The following GGA2 variants were observed in gnomAD, a reference collection of about 807,000 sequenced individuals.
GGA2 encodes golgi associated, gamma adaptin ear containing, ARF binding protein 2.
In GGA2, 48 loss-of-function variants were observed where a neutral mutation model predicts 79.5. That is an observed-to-expected ratio of 0.60 (90% confidence interval 0.48 to 0.77). The LOEUF (loss-of-function observed/expected upper bound fraction) is 0.77, where lower values mean the gene tolerates loss of function less well. GGA2 is among the 30% of genes least tolerant of loss of function. The pLI is 0.00. For synonymous variants in GGA2, 317 were observed against 302.0 expected, an observed-to-expected ratio of 1.05 and a Z score of -0.51; for missense variants, 770 against 774.0, an observed-to-expected ratio of 0.99 and a Z score of 0.06.
intron 14 of GGA2, 36 bp downstream of exon 14, chr16:23,474,868 A>G (rs1261087468): frequency 4.1e-6 from 6 of 1,451,012 alleles, no homozygotes; most frequent in South Asian, 3.5e-5. Flanking sequence ...TTCCCAGGGA[A>G]AAAAAAAAAA....
chr16:23,492,306 C>T (rs1474272579), intron 4 of GGA2, among the ~76,000 whole-genome samples: 1 of 152,190 alleles, frequency 6.6e-6, no homozygotes, highest in African/African-American at 2.4e-5. Flanking sequence ...CTTTCAGCCC[C>T]ATCCCCTGAC....
chr16:23,516,971 G>A (rs1032228898), intron 2 of GGA2, among the ~76,000 whole-genome samples: 21 of 152,130 alleles, frequency 1.4e-4, no homozygotes, highest in Non-Finnish European at 2.9e-5. Context: ...GGTGGAGAGA[G>A]AGAAGGACCC....
intron 1 of GGA2, among the ~76,000 whole-genome samples, chr16:23,503,662 G>A (rs1964943468): frequency 6.6e-6 from 1 of 152,186 alleles, no homozygotes; most frequent in African/African-American, 2.4e-5. Flanking sequence ...AAAATGTTGT[G>A]TAAAATACTT....
At chr16:23,474,479 T>G (rs868184846) in intron 14 of GGA2, among the ~76,000 whole-genome samples, 5 of 152,090 alleles carry the variant, frequency 3.3e-5, no homozygotes, top group Non-Finnish European at 7.4e-5. Context: ...TGCCTCAGCC[T>G]CCCAAGTAGC....
At chr16:23,479,683 G>C in intron 11 of GGA2, 82 bp downstream of exon 11, 1 of 1,481,682 alleles carries the variant, frequency 6.7e-7, no homozygotes, top group Non-Finnish European at 9.3e-7. Flanking sequence ...TCAGCAGCAG[G>C]CATGTGCTCC....
chr16:23,494,011 G>C, intron 3 of GGA2: 1 of 447,466 alleles, frequency 2.2e-6, no homozygotes, highest in Admixed American at 3.4e-5. Flanking sequence ...GCCCTCTCTA[G>C]AAAAGGCACA....
chr16:23,493,769 T>G, intron 3 of GGA2: 1 of 334,772 alleles, frequency 3.0e-6, no homozygotes, highest in Non-Finnish European at 5.6e-6. Context: ...AACCAACCCC[T>G]CCCCAGAGGC....
chr16:23,514,688 G>A (rs542527665), upstream of GGA2, among the ~76,000 whole-genome samples: 2 of 152,240 alleles, frequency 1.3e-5, no homozygotes, highest in East Asian at 1.9e-4. Context: ...CTGGGCTCAA[G>A]CAATCCTCCC....
chr16:23,468,777 CAG>C, intron 16 of GGA2, 107 bp downstream of exon 16: 2 of 668,642 alleles, frequency 3.0e-6, no homozygotes, highest in East Asian at 5.3e-5. Context: ...CCCAGCAAAC[CAG>C]AGACTTTAGA....
intron 9 of GGA2, among the ~76,000 whole-genome samples, chr16:23,481,478 T>C (rs112946923): frequency 6.6e-6 from 1 of 152,042 alleles, no homozygotes. Flanking sequence ...CCTATTTTCA[T>C]GCAAGGAAAA....
chr16:23,465,629 C>T lies in GGA2; in HGVS notation c.*1961G>A. 1.8e-6 allele frequency: 1 copy of T among 565,074 alleles called. No homozygotes were observed. Among genetic ancestry groups the T allele is most frequent in the South Asian group, 2.2e-5 (1 of 46,486 alleles). 35.0% of individuals were successfully genotyped at this position (565,074 alleles called of 1,614,324 possible). ...TGGGTACCTCTTCAAGACTACGCAA[C>T]AGTAACAGAGCCTATAAAAGCTACA... On this transcript the variant is annotated 3_prime_UTR_variant, in exon 17 of 17. Coordinates refer to ENST00000309859, the MANE Select transcript of GGA2 (RefSeq NM_015044.4).
intron 1 of GGA2, among the ~76,000 whole-genome samples, chr16:23,508,257 G>C (rs1313807507): frequency 6.6e-6 from 1 of 151,832 alleles, no homozygotes; most frequent in Non-Finnish European, 1.5e-5. Flanking sequence ...GTAGAGACGG[G>C]GTTTCACCAT....
At chr16:23,504,245 C>T (rs78479883) in intron 1 of GGA2, among the ~76,000 whole-genome samples, 2,026 of 152,280 alleles carry the variant, frequency 0.013, 51 homozygotes, top group African/African-American at 0.046. Flanking sequence ...TAGGCTGGCC[C>T]AGCTCCACAG....
intron 2 of GGA2, among the ~76,000 whole-genome samples, chr16:23,517,816 G>A (rs915871268): frequency 1.3e-5 from 2 of 152,010 alleles, no homozygotes. Context: ...AGCCAGGATG[G>A]TCTCGATTTC....
Position 23,483,012 on chromosome 16 carries a change from A to C in GGA2, c.799-8T>G, listed in dbSNP as rs746672620. 2 of 1,602,356 alleles carry C rather than the reference A, an allele frequency of 1.2e-6. No individual in the cohort carries two copies. The highest frequency in any genetic ancestry group is 1.7e-6 in the Non-Finnish European group (2 of 1,169,576). ...ACACCTCTCATACACGACCTGAAAGAGCAGAGCTTGGTTCATGACACACGC... is the reference window on the plus strand; with the variant it reads ...ACACCTCTCATACACGACCTGAAAGCGCAGAGCTTGGTTCATGACACACGC... On this transcript the variant is annotated splice_polypyrimidine_tract_variant and splice_region_variant and intron_variant, in intron 8 of 16. Transcript: ENST00000309859.
At chr16:23,473,377 C>T (rs1964539094) in intron 14 of GGA2, among the ~76,000 whole-genome samples, 2 of 98,944 alleles carry the variant, frequency 2.0e-5, no homozygotes, top group South Asian at 3.5e-4. Flanking sequence ...TTCTCTGTTG[C>T]TCAGACTGAA....
chr16:23,475,188 CCTTTT>C (rs1321474697), intron 13 of GGA2, 127 bp from the exon 14 acceptor site: 1 of 491,356 alleles, frequency 2.0e-6, no homozygotes, highest in African/African-American at 2.1e-5. Flanking sequence ...ATGTTATATG[CCTTTT>C]TTTTTTTTTT....
chr16:23,517,837 G>C (rs1230228847), intron 2 of GGA2, among the ~76,000 whole-genome samples: 1 of 152,048 alleles, frequency 6.6e-6, no homozygotes, highest in African/African-American at 2.4e-5. Flanking sequence ...CTAACCTCGT[G>C]ATCTGCCTGC....
chr16:23,468,970 T>C lies in GGA2; in HGVS notation c.1647A>G (p.Ala549=). 1 of 1,610,436 alleles carries C rather than the reference T, an allele frequency of 6.2e-7. No individual in the cohort carries two copies. Among genetic ancestry groups the C allele is most frequent in the Non-Finnish European group, 8.5e-7 (1 of 1,176,656 alleles). The stretch of plus-strand genomic sequence containing the variant: ...TGAATGCAGGAAGCTTGGAGCTGGA[T>C]GCCGGCTGCAGCTTCACTCTCATTG... ...PKSMRVKLQP[A]SSSKLPAFSP... is the part of the protein sequence containing the mutation. Residue 549 remains alanine, a synonymous_variant, in exon 16 of 17, where the codon GCA becomes GCG. Transcript: ENST00000309859.
Sources: allele counts gnomAD v4.1 joint callset (sites outside exome capture counted in the v4.1 genomes callset), GRCh38; gene constraint gnomAD v4.1.1; transcripts MANE v1.5; gene names NCBI Gene and HGNC (gene_info 2026-07-23, HGNC 2026-07-21).